PRPSAP1: variants seen among roughly 807,000 people sequenced by gnomAD.
The protein encoded by PRPSAP1 is phosphoribosyl pyrophosphate synthase-associated protein 1.
A neutral mutation model predicts 39.4 loss-of-function variants in PRPSAP1; 31 were observed. The observed-to-expected ratio is 0.79, with a 90% confidence interval of 0.59 to 1.06. PRPSAP1 has a LOEUF of 1.06. PRPSAP1 is among the 50% of genes least tolerant of loss of function. The probability of loss-of-function intolerance (pLI) is 0.00; values close to 1 mark genes in which losing one functional copy is unlikely to be tolerated. For missense variants in PRPSAP1, 430 were observed against 511.6 expected (o/e 0.84, Z 1.54); for synonymous variants, 212 against 192.6 (o/e 1.10, Z -0.83).
At position 76,350,963 on chromosome 17, in the gene PRPSAP1, G is replaced by A. The variant is rs534946718; in HGVS notation, c.171-2382C>T. Among the ~76,000 whole-genome samples the A allele has an allele frequency of 3.3e-5, 5 of 152,084 alleles. No individual in the cohort carries two copies. The East Asian group carries it at 7.7e-4, about 24-fold the overall frequency. On this transcript the variant is annotated intron_variant, in intron 1 of 9. Transcript: ENST00000446526. Reference sequence around the variant, plus strand: ...GGAGAATCACTTGAACTCGGGAGGCGGAGGTTGTGGGTGAGCCAAGATGGC... The same window carrying A: ...GGAGAATCACTTGAACTCGGGAGGCAGAGGTTGTGGGTGAGCCAAGATGGC...
intron 4 of PRPSAP1, among the ~76,000 whole-genome samples, chr17:76,332,038 GA>G (rs2071326721): frequency 6.6e-6 from 1 of 152,160 alleles, no homozygotes; most frequent in African/African-American, 2.4e-5. Flanking sequence ...TGTGACAGAT[GA>G]CAGAGAAGAG....
intron 7 of PRPSAP1, among the ~76,000 whole-genome samples, chr17:76,324,932 G>A (rs1168798250): frequency 6.6e-6 from 1 of 151,354 alleles, no homozygotes; most frequent in Admixed American, 6.6e-5. Flanking sequence ...GCCAGGTGTG[G>A]TGGCAGGCAC....
rs1327929205 is a variant in PRPSAP1 at position 76,353,679 on chromosome 17, G to T, written c.25C>A (p.Pro9Thr). Residue 9 changes from proline (P) to threonine (T), a missense_variant, in exon 1 of 10, where the codon CCC becomes ACC. By Grantham distance (38) the Pro-to-Thr change is conservative (BLOSUM62 -1). Transcript: ENST00000446526. ...AAAGCCGAGGACGCGGAGGGCGGGG[G>T]CAACAGCAGCAGCTTCTTGGGCATC... Reference protein sequence around the residue: MPKKLLLLPPPSASSAFRV... With the variant: MPKKLLLLTPPSASSAFRV... 6.6e-7 allele frequency: 1 copy of T among 1,511,792 alleles called. No individual in the cohort carries two copies. Among genetic ancestry groups the T allele is most frequent in the Admixed American group, 2.1e-5 (1 of 48,622 alleles). The allele number at this position is 1,511,792 out of a possible 1,614,324, so 93.6% of individuals were successfully genotyped here. A position where few individuals can be genotyped will look rare whatever the true frequency, so the allele number is the denominator to read the frequency against.
At chr17:76,348,484 A>C in intron 2 of PRPSAP1, 45 bp downstream of exon 2, 3 of 1,247,182 alleles carry the variant, frequency 2.4e-6, no homozygotes, top group Non-Finnish European at 3.1e-6. Context: ...AAAAAACTAA[A>C]TAAATAAAAA....
At chr17:76,333,646 AAAAAC>A (rs754862217) in intron 3 of PRPSAP1, among the ~76,000 whole-genome samples, 10 of 146,974 alleles carry the variant, frequency 6.8e-5, no homozygotes, top group East Asian at 2.0e-4. Flanking sequence ...CTCTGTCTCA[AAAAAC>A]AAAACAAAAC....
chr17:76,341,783 C>A (rs566266230), intron 3 of PRPSAP1, among the ~76,000 whole-genome samples: 29 of 152,076 alleles, frequency 1.9e-4, no homozygotes, highest in African/African-American at 6.7e-4. Flanking sequence ...ACTAAAAATA[C>A]AAAAAATTAG....
intron 7 of PRPSAP1, among the ~76,000 whole-genome samples, chr17:76,323,859 C>A (rs112823100): frequency 0.016 from 2,505 of 152,050 alleles, 30 homozygotes; most frequent in Middle Eastern, 0.027. Flanking sequence ...GAAAGTAGTT[C>A]TTTCGGCTGG....
At position 76,344,707 on chromosome 17, in the gene PRPSAP1, C is replaced by T. The variant is rs1460971127; in HGVS notation, c.254G>A (p.Arg85His). Residue 85 changes from arginine (R) to histidine (H), a missense_variant, in exon 3 of 10, where the codon CGT becomes CAT. Coordinates refer to ENST00000446526, the MANE Select transcript of PRPSAP1 (RefSeq NM_002766.3). ...CTGTATAATGAAAATATCTTGGCCA[C>T]GAACAGATTCTTTTATTTCAACTCT... ...ETRVEIKESVRGQDIFIIQTI... is the reference protein window; with the variant it reads ...ETRVEIKESVHGQDIFIIQTI... 3 of 1,582,006 alleles carry T rather than the reference C, an allele frequency of 1.9e-6. No homozygotes were observed. Among genetic ancestry groups the T allele is most frequent in the Non-Finnish European group, 2.6e-6 (3 of 1,159,170 alleles).
intron 2 of PRPSAP1, among the ~76,000 whole-genome samples, chr17:76,346,752 C>A (rs1471225189): frequency 6.6e-6 from 1 of 152,192 alleles, no homozygotes; most frequent in Non-Finnish European, 1.5e-5. Flanking sequence ...GGGAGTTTGG[C>A]CGGGCGCGGT....
intron 1 of PRPSAP1, among the ~76,000 whole-genome samples, chr17:76,349,006 A>G (rs1367448152): frequency 1.3e-5 from 2 of 152,308 alleles, no homozygotes; most frequent in African/African-American, 4.8e-5. Context: ...ATTAGAATAA[A>G]CCAAGTGTAA....
chr17:76,320,786 C>CTT (rs398120024), intron 7 of PRPSAP1, among the ~76,000 whole-genome samples: 61 of 143,614 alleles, frequency 4.2e-4, no homozygotes, highest in Admixed American at 8.4e-4. Flanking sequence ...ATTTTTCTCT[C>CTT]TTTTTTTTTT....
At chr17:76,320,885 G>A (rs1328775091) in intron 7 of PRPSAP1, among the ~76,000 whole-genome samples, 2 of 151,544 alleles carry the variant, frequency 1.3e-5, no homozygotes, top group Non-Finnish European at 2.9e-5. Context: ...GGACTCAAGG[G>A]AACCTCCCAT....
Position 76,353,874 on chromosome 17 carries a change from G to C in PRPSAP1, c.-171C>G, listed in dbSNP as rs1305888521. ...CCCCACACCACTGACTACAGCGGCC[G>C]AGCCTTCGCAGCGCCCGGCGCCGCC... On this transcript the variant is annotated 5_prime_UTR_variant, in exon 1 of 10. Coordinates refer to ENST00000446526, the MANE Select transcript of PRPSAP1 (RefSeq NM_002766.3). 2.3e-6 allele frequency: 3 copies of C among 1,328,770 alleles called. No homozygotes were observed. The highest frequency in any genetic ancestry group is 3.1e-5 in the African/African-American group (2 of 64,638). The allele number at this position is 1,328,770 out of a possible 1,614,324, so 82.3% of individuals were successfully genotyped here.
intron 7 of PRPSAP1, chr17:76,319,232 C>T (rs1372695219): frequency 6.6e-6 from 1 of 152,078 alleles, no homozygotes; most frequent in African/African-American, 2.4e-5. Flanking sequence ...GCCACCACGC[C>T]TGGCCTATTT....
At chr17:76,336,593 A>T (rs1176265602) in intron 3 of PRPSAP1, among the ~76,000 whole-genome samples, 4 of 151,444 alleles carry the variant, frequency 2.6e-5, no homozygotes, top group Admixed American at 1.3e-4. Context: ...TTAGCCAGGC[A>T]TGGTGGTGCA....
At chr17:76,344,323 G>A (rs894064747) in intron 3 of PRPSAP1, among the ~76,000 whole-genome samples, 3 of 152,160 alleles carry the variant, frequency 2.0e-5, no homozygotes, top group African/African-American at 7.2e-5. Context: ...TGGAGACGGG[G>A]TTTCACCATG....
intron 7 of PRPSAP1, among the ~76,000 whole-genome samples, chr17:76,323,897 G>A (rs1159433564): frequency 3.3e-5 from 5 of 152,018 alleles, no homozygotes; most frequent in East Asian, 1.9e-4. Context: ...TGTAATCCCA[G>A]CACTTTTGGA....
In PRPSAP1 at chr17:76,332,347, A is replaced by AG; in HGVS notation, c.378dup (p.Tyr127LeufsTer55). Reference sequence around the variant, plus strand: ...TTGCTCTGCTTGCTGTAGGGGAAGTAGGGGATGACCCCAATAATGTTCCTG... The same window carrying AG: ...TTGCTCTGCTTGCTGTAGGGGAAGTAGGGGGATGACCCCAATAATGTTCCTG... On this transcript the variant is annotated frameshift_variant, in exon 4 of 10. Transcript: ENST00000446526. LOFTEE classifies it high-confidence loss of function. 6.2e-7 allele frequency: 1 copy of AG among 1,614,186 alleles called. No homozygotes were observed. Among genetic ancestry groups the AG allele is most frequent in the Non-Finnish European group, 8.5e-7 (1 of 1,180,038 alleles).
Position 76,330,757 on chromosome 17 carries a change from A to G in PRPSAP1, c.464-91T>C, listed in dbSNP as rs1471112432. ...ACTAGATGCTCAACTCCTGCTTCCT[A>G]CCAGCAGACTGAAGACGGGGTACTG... is the stretch of plus-strand genomic sequence containing the variant. On this transcript the variant is annotated intron_variant, in intron 4 of 9. Coordinates refer to ENST00000446526, the MANE Select transcript of PRPSAP1 (RefSeq NM_002766.3). 4 of 715,218 alleles carry G rather than the reference A, an allele frequency of 5.6e-6. No homozygotes were observed. In the African/African-American group the frequency reaches 7.2e-5, roughly 13 times the overall value. The allele number at this position is 715,218 out of a possible 1,614,324, so 44.3% of individuals were successfully genotyped here.
Sources: allele counts gnomAD v4.1 joint callset (sites outside exome capture counted in the v4.1 genomes callset), GRCh38; gene constraint gnomAD v4.1.1; transcripts MANE v1.5; gene names NCBI Gene and HGNC (gene_info 2026-07-23, HGNC 2026-07-21).